The following CENPP variants were observed in gnomAD, a reference collection of about 807,000 sequenced individuals.
The protein encoded by CENPP is centromere protein P.
Under a neutral mutation model 35.6 loss-of-function variants are expected in CENPP, and 24 were observed. That is an observed-to-expected ratio of 0.67 (90% CI 0.49 to 0.95). The LOEUF (loss-of-function observed/expected upper bound fraction) is 0.95, where lower values mean the gene tolerates loss of function less well. Ranked by LOEUF, CENPP falls within the 40% of genes least tolerant of loss-of-function variation. The pLI is 0.00. For missense variants in CENPP, 332 were observed against 345.3 expected (o/e 0.96, Z 0.31); for synonymous variants, 120 against 125.5 (o/e 0.96, Z 0.29).
chr9:92,609,689 C>A (rs1258116804), intron 5 of CENPP, among the ~76,000 whole-genome samples: 1 of 152,254 alleles, frequency 6.6e-6, no homozygotes, highest in Non-Finnish European at 1.5e-5. Context: ...TCACCCCTGA[C>A]CCTGCAATCT....
At chr9:92,430,619 G>C (rs1844083434) in intron 5 of CENPP, among the ~76,000 whole-genome samples, 1 of 151,980 alleles carries the variant, frequency 6.6e-6, no homozygotes. Context: ...GCCTCCCAAA[G>C]TTCTGGGATT....
intron 4 of CENPP, among the ~76,000 whole-genome samples, chr9:92,367,292 G>T (rs1474291141): frequency 6.6e-6 from 1 of 151,976 alleles, no homozygotes; most frequent in African/African-American, 2.4e-5. Context: ...TCAGCCTCCC[G>T]AGTAGCTGGA....
intron 5 of CENPP, among the ~76,000 whole-genome samples, chr9:92,555,506 G>A (rs576729710): frequency 6.6e-6 from 1 of 152,138 alleles, no homozygotes; most frequent in South Asian, 2.1e-4. Context: ...TGGGATTACA[G>A]GTATGAACCA....
chr9:92,611,276 C>G (rs958768846), intron 5 of CENPP, 38 bp from the exon 6 acceptor site: 1 of 1,549,466 alleles, frequency 6.5e-7, no homozygotes, highest in South Asian at 1.1e-5. Flanking sequence ...TTTCTCCCCA[C>G]CAGTGGATCT....
In CENPP at chr9:92,465,108, A is replaced by G; in HGVS notation, c.564+85249A>G. The G allele has an allele frequency of 4.3e-6, 4 of 934,788 alleles. No homozygotes were observed. In the South Asian group the frequency reaches 5.7e-5, roughly 13 times the overall value. The allele number at this position is 934,788 out of a possible 1,614,324, so 57.9% of individuals were successfully genotyped here. ...CTCACAGTGCAGAGAGACACATCCCAAGAATGAATATCCCAAGAAGCGTGA... is the reference window on the plus strand; with the variant it reads ...CTCACAGTGCAGAGAGACACATCCCGAGAATGAATATCCCAAGAAGCGTGA... On this transcript the variant is annotated intron_variant, in intron 5 of 7. Coordinates refer to ENST00000375587, the MANE Select transcript of CENPP (RefSeq NM_001012267.3).
rs1840466350 is a variant in CENPP at position 92,325,972 on chromosome 9, C to T, written c.-27C>T. 2.6e-6 allele frequency: 4 copies of T among 1,537,068 alleles called. No homozygotes were observed. Among genetic ancestry groups the T allele is most frequent in the Non-Finnish European group, 3.5e-6 (4 of 1,135,748 alleles). On this transcript the variant is annotated 5_prime_UTR_variant, in exon 1 of 8. Coordinates refer to ENST00000375587, the MANE Select transcript of CENPP (RefSeq NM_001012267.3). ...CAGGTCGGAGTGACAGCTGCGCTGCCGGCCCGGCTGCGGTCAGCAACGCGC... is the reference window on the plus strand; with the variant it reads ...CAGGTCGGAGTGACAGCTGCGCTGCTGGCCCGGCTGCGGTCAGCAACGCGC...
chr9:92,525,723 T>C (rs2131258122), intron 5 of CENPP, among the ~76,000 whole-genome samples: 1 of 152,024 alleles, frequency 6.6e-6, no homozygotes, highest in South Asian at 2.1e-4. Context: ...AAACCCCATC[T>C]CTACTAAAAA....
At chr9:92,462,327 G>A (rs1315566997) in intron 5 of CENPP, among the ~76,000 whole-genome samples, 18 of 152,096 alleles carry the variant, frequency 1.2e-4, no homozygotes, top group Admixed American at 1.2e-3. Flanking sequence ...TGTATCTGTA[G>A]TACCCCCGCA....
chr9:92,370,618 A>T (rs1841985815), intron 4 of CENPP, among the ~76,000 whole-genome samples: 1 of 151,858 alleles, frequency 6.6e-6, no homozygotes, highest in Non-Finnish European at 1.5e-5. Flanking sequence ...GTAGCTGGGA[A>T]CACAGTGGCG....
At chr9:92,402,797 A>G (rs1281785206) in intron 5 of CENPP, among the ~76,000 whole-genome samples, 1 of 152,142 alleles carries the variant, frequency 6.6e-6, no homozygotes, top group Non-Finnish European at 1.5e-5. Context: ...AATAACCAGT[A>G]CTCTTCTATG....
chr9:92,484,081 T>C (rs1845998733), intron 5 of CENPP, among the ~76,000 whole-genome samples: 2 of 152,214 alleles, frequency 1.3e-5, no homozygotes, highest in African/African-American at 4.8e-5. Context: ...TTTGCCTAAA[T>C]TCCTTCAGAA....
intron 5 of CENPP, among the ~76,000 whole-genome samples, chr9:92,595,450 C>T (rs1460301021): frequency 6.6e-6 from 1 of 152,056 alleles, no homozygotes; most frequent in Non-Finnish European, 1.5e-5. Flanking sequence ...CCTTGTTGCC[C>T]AAGCTGGTCC....
chr9:92,575,123 A>G (rs915011122), intron 5 of CENPP, among the ~76,000 whole-genome samples: 2 of 152,230 alleles, frequency 1.3e-5, no homozygotes, highest in Admixed American at 1.3e-4. Context: ...GAAAACAGGA[A>G]AAGCTTCACT....
chr9:92,505,613 G>C lies in CENPP; in HGVS notation c.565-105701G>C, dbSNP rs757059926. ...CGCAAGTAGGCTAGGCTCTTCAAAG[G>C]TTTGAAAGCTAAAGGATTGACATTG... On this transcript the variant is annotated intron_variant, in intron 5 of 7. Transcript: ENST00000375587. 3 of 1,610,930 alleles carry C rather than the reference G, an allele frequency of 1.9e-6. No individual in the cohort carries two copies. In the African/African-American group the frequency reaches 4.0e-5, roughly 22 times the overall value.
At chr9:92,347,546 C>T (rs1841326906) in intron 4 of CENPP, among the ~76,000 whole-genome samples, 1 of 152,188 alleles carries the variant, frequency 6.6e-6, no homozygotes, top group African/African-American at 2.4e-5. Context: ...TCTTCTTTAT[C>T]TCTGCTGTTA....
chr9:92,466,986 C>T (rs997746863), intron 5 of CENPP, among the ~76,000 whole-genome samples: 5 of 152,148 alleles, frequency 3.3e-5, no homozygotes, highest in Admixed American at 2.0e-4. Context: ...ATTTTGTCTA[C>T]TTTGAAAACC....
At chr9:92,542,061 G>T (rs1334220566) in intron 5 of CENPP, among the ~76,000 whole-genome samples, 1 of 152,138 alleles carries the variant, frequency 6.6e-6, no homozygotes, top group Non-Finnish European at 1.5e-5. Flanking sequence ...CAAAGTGCTG[G>T]GATTATAGGC....
intron 5 of CENPP, among the ~76,000 whole-genome samples, chr9:92,434,275 G>C (rs1290271507): frequency 6.6e-6 from 1 of 151,704 alleles, no homozygotes; most frequent in Non-Finnish European, 1.5e-5. Context: ...TGTAGTCCCA[G>C]CCACTCGGGA....
chr9:92,519,210 T>C (rs868308463), intron 5 of CENPP, among the ~76,000 whole-genome samples: 2 of 152,178 alleles, frequency 1.3e-5, no homozygotes, highest in African/African-American at 2.4e-5. Context: ...ACCTACCCAA[T>C]TCCTCCTCTG....
Sources: gnomAD v4.1 joint callset for allele counts (sites outside exome capture counted in the v4.1 genomes callset) on GRCh38, gnomAD v4.1.1 for gene constraint, MANE v1.5 for transcripts, NCBI Gene and HGNC (gene_info 2026-07-23, HGNC 2026-07-21) for gene names.